Variants in CHRM2 observed in about 807,000 individuals in gnomAD.
The protein encoded by CHRM2 is muscarinic acetylcholine receptor M2.
Under a neutral mutation model 25.0 loss-of-function variants are expected in CHRM2, and 8 were observed. That is an observed-to-expected ratio of 0.32 (90% CI 0.19 to 0.58). CHRM2 has a LOEUF of 0.58. CHRM2 is among the 20% of genes least tolerant of loss of function. The probability of loss-of-function intolerance (pLI) is 0.88; values close to 1 mark genes in which losing one functional copy is unlikely to be tolerated. For missense variants in CHRM2, 440 were observed against 567.1 expected (o/e 0.78, Z 2.28); for synonymous variants, 202 against 205.7 (o/e 0.98, Z 0.15).
chr7:136,909,886 C>A (rs1469601171), intron 2 of CHRM2, among the ~76,000 whole-genome samples: 2 of 151,814 alleles, frequency 1.3e-5, no homozygotes, highest in African/African-American at 4.8e-5. Flanking sequence ...AAAATCATCT[C>A]GTACTAGTTC....
intron 2 of CHRM2, among the ~76,000 whole-genome samples, chr7:136,912,257 C>T (rs6945230): frequency 0.63 from 96,152 of 151,656 alleles, 31,000 homozygotes; most frequent in African/African-American, 0.72. Flanking sequence ...AAAATAATCA[C>T]TGGAATTTGA....
At chr7:136,960,561 T>C (rs1478252888) in intron 2 of CHRM2, among the ~76,000 whole-genome samples, 1 of 152,238 alleles carries the variant, frequency 6.6e-6, no homozygotes, top group Non-Finnish European at 1.5e-5. Flanking sequence ...AAGTTAACTA[T>C]AAGTTGTAGA....
intron 2 of CHRM2, among the ~76,000 whole-genome samples, chr7:136,898,541 GTGTT>G (rs1765721478): frequency 6.6e-6 from 1 of 151,946 alleles, no homozygotes; most frequent in Non-Finnish European, 1.5e-5. Flanking sequence ...GTGTCTGTGT[GTGTT>G]TAACAGATTA....
chr7:136,969,935 A>G (rs1801654112), intron 2 of CHRM2, among the ~76,000 whole-genome samples: 1 of 152,146 alleles, frequency 6.6e-6, no homozygotes, highest in Admixed American at 6.5e-5. Context: ...GTCCAAGATC[A>G]TGGTTTAGGC....
At chr7:136,879,842 C>T (rs532112237) in intron 2 of CHRM2, among the ~76,000 whole-genome samples, 13 of 151,748 alleles carry the variant, frequency 8.6e-5, no homozygotes, top group East Asian at 1.9e-4. Context: ...GAAAGAAAGG[C>T]GGCCATCTTT....
chr7:136,876,063 A>G (rs1796040686), intron 2 of CHRM2, among the ~76,000 whole-genome samples: 3 of 152,132 alleles, frequency 2.0e-5, no homozygotes, highest in African/African-American at 4.8e-5. Flanking sequence ...ATCTCATTTA[A>G]TCTCTCACAG....
chr7:136,913,561 A>C (rs1200234708), intron 2 of CHRM2, among the ~76,000 whole-genome samples: 1 of 151,914 alleles, frequency 6.6e-6, no homozygotes, highest in Non-Finnish European at 1.5e-5. Flanking sequence ...CCTTTGACCT[A>C]ATAACCAATA....
At chr7:136,997,375 T>C (rs145985721) in intron 3 of CHRM2, among the ~76,000 whole-genome samples, 209 of 152,326 alleles carry the variant, frequency 1.4e-3, no homozygotes, top group African/African-American at 4.8e-3. Context: ...ACTTATCTCT[T>C]GAATAATCAG....
At chr7:136,934,620 A>C (rs1799306833) in intron 2 of CHRM2, among the ~76,000 whole-genome samples, 1 of 152,066 alleles carries the variant, frequency 6.6e-6, no homozygotes, top group South Asian at 2.1e-4. Context: ...AATATTTCCT[A>C]CTCAAAAAAT....
At chr7:136,963,805 T>A (rs1189678000) in intron 2 of CHRM2, among the ~76,000 whole-genome samples, 6 of 151,898 alleles carry the variant, frequency 4.0e-5, no homozygotes, top group Admixed American at 6.6e-5. Flanking sequence ...AAAAAAAAAA[T>A]TTCTCTAGAC....
chr7:136,885,632 T>C (rs1282995376), intron 2 of CHRM2, among the ~76,000 whole-genome samples: 1 of 152,220 alleles, frequency 6.6e-6, no homozygotes, highest in African/African-American at 2.4e-5. Context: ...ACAGGTACTA[T>C]ACTAGACATC....
chr7:136,997,405 T>C (rs1403579742), intron 3 of CHRM2, among the ~76,000 whole-genome samples: 1 of 152,216 alleles, frequency 6.6e-6, no homozygotes, highest in Non-Finnish European at 1.5e-5. Flanking sequence ...ATGGCCCTTG[T>C]GAGTCAAATA....
chr7:136,879,935 C>T (rs1003393888), intron 2 of CHRM2, among the ~76,000 whole-genome samples: 1 of 151,612 alleles, frequency 6.6e-6, no homozygotes, highest in Non-Finnish European at 1.5e-5. Flanking sequence ...CCGCAGGGGT[C>T]GTTTTCATGG....
chr7:136,932,318 C>T (rs1256712312), intron 2 of CHRM2, among the ~76,000 whole-genome samples: 1 of 152,164 alleles, frequency 6.6e-6, no homozygotes, highest in Non-Finnish European at 1.5e-5. Flanking sequence ...AAACTTCCCT[C>T]ATAAAGCTCA....
intron 2 of CHRM2, among the ~76,000 whole-genome samples, chr7:136,939,245 A>G (rs1194554633): frequency 3.3e-5 from 5 of 152,170 alleles, no homozygotes; most frequent in Admixed American, 3.3e-4. Flanking sequence ...TTTGGAAATA[A>G]TTACTATTTT....
chr7:137,002,845 G>C (rs1442180615), intron 3 of CHRM2, among the ~76,000 whole-genome samples: 1 of 152,088 alleles, frequency 6.6e-6, no homozygotes, highest in African/African-American at 2.4e-5. Context: ...AGAATCAACT[G>C]TTAAATTATA....
At chr7:136,943,494 A>G (rs1041195217) in intron 2 of CHRM2, among the ~76,000 whole-genome samples, 1 of 152,220 alleles carries the variant, frequency 6.6e-6, no homozygotes, top group Non-Finnish European at 1.5e-5. Context: ...TTTGCATTAT[A>G]ATATGAGTTA....
chr7:136,920,565 T>G (rs902853618), intron 2 of CHRM2, among the ~76,000 whole-genome samples: 1 of 152,082 alleles, frequency 6.6e-6, no homozygotes, highest in East Asian at 1.9e-4. Context: ...GACCCCGGGG[T>G]CTGTTGCCCT....
chr7:136,914,479 A>G (rs2130701118), intron 2 of CHRM2, among the ~76,000 whole-genome samples: 1 of 152,050 alleles, frequency 6.6e-6, no homozygotes, highest in Middle Eastern at 3.4e-3. Flanking sequence ...TCACTTCTGA[A>G]TAGAATCATG....
Sources: allele counts gnomAD v4.1 joint callset (sites outside exome capture counted in the v4.1 genomes callset), GRCh38; gene constraint gnomAD v4.1.1; transcripts MANE v1.5; gene names NCBI Gene and HGNC (gene_info 2026-07-23, HGNC 2026-07-21).